Variants in CNTNAP2 observed in about 807,000 individuals in gnomAD.
CNTNAP2 encodes contactin-associated protein-like 2.
In CNTNAP2, 98 loss-of-function variants were observed where a neutral mutation model predicts 155.2. The ratio of observed to expected loss-of-function variants is 0.63; its 90% confidence interval spans 0.54 to 0.75. The LOEUF (loss-of-function observed/expected upper bound fraction) is 0.75, where lower values mean the gene tolerates loss of function less well. CNTNAP2 is among the 30% of genes least tolerant of loss of function. The pLI, the probability that CNTNAP2 is intolerant of heterozygous loss-of-function variation, is 0.00. For synonymous variants in CNTNAP2, 651 were observed against 631.2 expected, an observed-to-expected ratio of 1.03 and a Z score of -0.47; for missense variants, 1,727 against 1,688.1, an observed-to-expected ratio of 1.02 and a Z score of -0.40.
At chr7:148,387,986 C>T (rs867464313) in intron 22 of CNTNAP2, among the ~76,000 whole-genome samples, 1 of 151,992 alleles carries the variant, frequency 6.6e-6, no homozygotes, top group Non-Finnish European at 1.5e-5. Flanking sequence ...TTATAAATGC[C>T]ATAGCAATGT....
At chr7:148,105,518 A>C (rs1804189385) in intron 15 of CNTNAP2, among the ~76,000 whole-genome samples, 1 of 152,138 alleles carries the variant, frequency 6.6e-6, no homozygotes, top group South Asian at 2.1e-4. Context: ...TCTGCAAGCT[A>C]TTTGGAACCG....
intron 9 of CNTNAP2, among the ~76,000 whole-genome samples, chr7:147,325,790 T>C (rs1328022232): frequency 5.3e-5 from 8 of 152,346 alleles, no homozygotes. Context: ...ATTAGGTACA[T>C]TTACCTTGTT....
At chr7:146,421,242 G>A (rs1526156) in intron 1 of CNTNAP2, among the ~76,000 whole-genome samples, 1 of 151,886 alleles carries the variant, frequency 6.6e-6, no homozygotes, top group Non-Finnish European at 1.5e-5. Flanking sequence ...GTATACCATG[G>A]TATTGACATA....
At position 147,837,381 on chromosome 7, in the gene CNTNAP2, T is replaced by A. The variant is rs1798650924; in HGVS notation, c.2099-66184T>A. Among the ~76,000 whole-genome samples, 5 of 152,144 alleles carry A rather than the reference T, an allele frequency of 3.3e-5. No homozygotes were observed. In the South Asian group the frequency reaches 1.0e-3, roughly 32 times the overall value. On this transcript the variant is annotated intron_variant, in intron 13 of 23. Coordinates refer to ENST00000361727, the MANE Select transcript of CNTNAP2 (RefSeq NM_014141.6). ...CCTCCATGATTCAGTTACCTCCCAC[T>A]GGGTCCCTCCCACAACACATGGGAA...
chr7:146,121,182 G>A (rs1797558345), intron 1 of CNTNAP2, among the ~76,000 whole-genome samples: 1 of 126,676 alleles, frequency 7.9e-6, no homozygotes, highest in Non-Finnish European at 1.6e-5. Flanking sequence ...AGGCTGGAGT[G>A]CAGTGGCCCG....
chr7:146,542,291 C>A (rs1797964581), intron 1 of CNTNAP2, among the ~76,000 whole-genome samples: 1 of 151,818 alleles, frequency 6.6e-6, no homozygotes, highest in Non-Finnish European at 1.5e-5. Flanking sequence ...AAACAGAAAC[C>A]ACAATTTATA....
chr7:147,442,383 T>C (rs981947975), intron 10 of CNTNAP2, among the ~76,000 whole-genome samples: 5 of 152,152 alleles, frequency 3.3e-5, no homozygotes, highest in African/African-American at 1.2e-4. Context: ...GCTGCCTGGT[T>C]TGGGACTCAT....
At chr7:146,463,016 G>A (rs1325839990) in intron 1 of CNTNAP2, among the ~76,000 whole-genome samples, 1 of 152,120 alleles carries the variant, frequency 6.6e-6, no homozygotes, top group Non-Finnish European at 1.5e-5. Flanking sequence ...GGTGAGGTAG[G>A]CCTACACTCC....
At chr7:147,439,605 A>G (rs1281806097) in intron 10 of CNTNAP2, among the ~76,000 whole-genome samples, 3 of 152,004 alleles carry the variant, frequency 2.0e-5, no homozygotes, top group Non-Finnish European at 4.4e-5. Flanking sequence ...CATTTGGTCT[A>G]TAGTATATAT....
At chr7:147,458,110 T>C (rs1797954223) in intron 10 of CNTNAP2, among the ~76,000 whole-genome samples, 2 of 143,246 alleles carry the variant, frequency 1.4e-5, no homozygotes, top group Admixed American at 1.5e-4. Flanking sequence ...ATTGATATAT[T>C]GTCTCTATTG....
chr7:148,100,900 A>C (rs1804084871), intron 15 of CNTNAP2, among the ~76,000 whole-genome samples: 1 of 152,134 alleles, frequency 6.6e-6, no homozygotes, highest in Non-Finnish European at 1.5e-5. Flanking sequence ...ACAATGATAG[A>C]CTGGATTAAG....
At chr7:147,072,921 C>T (rs10216066) in intron 4 of CNTNAP2, among the ~76,000 whole-genome samples, 21 of 133,232 alleles carry the variant, frequency 1.6e-4, no homozygotes, top group Non-Finnish European at 2.6e-4. Flanking sequence ...GGTGTGATCT[C>T]GGCTCACTGC....
At chr7:147,311,241 T>C (rs944793092) in intron 9 of CNTNAP2, among the ~76,000 whole-genome samples, 1 of 152,164 alleles carries the variant, frequency 6.6e-6, no homozygotes, top group Non-Finnish European at 1.5e-5. Context: ...GTTCAGGTAC[T>C]CTAAGAAGCA....
At chr7:147,637,759 G>T in intron 12 of CNTNAP2, among the ~76,000 whole-genome samples, 1 of 152,126 alleles carries the variant, frequency 6.6e-6, no homozygotes, top group East Asian at 1.9e-4. Context: ...AGTACATTAC[G>T]TGTAACATTG....
chr7:147,848,275 C>A (rs1798850379), intron 13 of CNTNAP2, among the ~76,000 whole-genome samples: 1 of 148,330 alleles, frequency 6.7e-6, no homozygotes, highest in Non-Finnish European at 1.5e-5. Flanking sequence ...ACCCTCTGAG[C>A]CAGGTGTGGG....
chr7:147,848,254 G>A (rs1392202841), intron 13 of CNTNAP2, among the ~76,000 whole-genome samples: 6 of 147,158 alleles, frequency 4.1e-5, no homozygotes, highest in Admixed American at 2.8e-4. Context: ...GCGAGATTCC[G>A]TAGGCGTAGG....
intron 1 of CNTNAP2, among the ~76,000 whole-genome samples, chr7:146,404,214 C>A (rs1795758146): frequency 6.6e-6 from 1 of 151,164 alleles, no homozygotes; most frequent in Admixed American, 6.6e-5. Context: ...CACTGAAGAA[C>A]TCTTTCTTTC....
chr7:147,938,939 C>A (rs1800665575), intron 14 of CNTNAP2, among the ~76,000 whole-genome samples: 1 of 152,124 alleles, frequency 6.6e-6, no homozygotes, highest in East Asian at 1.9e-4. Context: ...AGATAAATGC[C>A]TATGAATCTC....
chr7:146,347,657 C>T (rs1365622673), intron 1 of CNTNAP2, among the ~76,000 whole-genome samples: 4 of 152,120 alleles, frequency 2.6e-5, no homozygotes, highest in Admixed American at 2.0e-4. Flanking sequence ...CCTCCACCTC[C>T]CTGCTTCAAG....
Sources: allele counts gnomAD v4.1 joint callset (sites outside exome capture counted in the v4.1 genomes callset), GRCh38; gene constraint gnomAD v4.1.1; transcripts MANE v1.5; gene names NCBI Gene and HGNC (gene_info 2026-07-23, HGNC 2026-07-21).